STAU2: variants seen among roughly 807,000 people sequenced by gnomAD.
The protein encoded by STAU2 is staufen double-stranded RNA binding protein 2.
Under a neutral mutation model 65.9 loss-of-function variants are expected in STAU2, and 20 were observed. That is an observed-to-expected ratio of 0.30 (90% CI 0.21 to 0.44). STAU2 has a LOEUF of 0.44. Among genes scored for constraint, STAU2 ranks in the 20% least tolerant of loss-of-function variants. The probability of loss-of-function intolerance (pLI) is 1.00; values close to 1 mark genes in which losing one functional copy is unlikely to be tolerated. For missense variants in STAU2, 558 were observed against 683.9 expected, an observed-to-expected ratio of 0.82 and a Z score of 2.05; for synonymous variants, 232 against 233.9, an observed-to-expected ratio of 0.99 and a Z score of 0.07.
At chr8:73,518,766 G>A (rs1470418001) in intron 13 of STAU2, among the ~76,000 whole-genome samples, 1 of 151,922 alleles carries the variant, frequency 6.6e-6, no homozygotes, top group Non-Finnish European at 1.5e-5. Flanking sequence ...AGAAGCTCCT[G>A]GTGACTTTTC....
chr8:73,528,507 C>G (rs890851772), intron 13 of STAU2, among the ~76,000 whole-genome samples: 3 of 152,140 alleles, frequency 2.0e-5, no homozygotes, highest in African/African-American at 7.2e-5. Flanking sequence ...AAATTTCCAT[C>G]CTTCCATTTA....
At chr8:73,704,490 A>G (rs961695287) in intron 4 of STAU2, among the ~76,000 whole-genome samples, 1 of 152,010 alleles carries the variant, frequency 6.6e-6, no homozygotes, top group African/African-American at 2.4e-5. Context: ...GTAGTGCGCT[A>G]TTTTTTTAAA....
At chr8:73,439,141 A>G (rs762217322) in intron 13 of STAU2, 8 of 426,762 alleles carry the variant, frequency 1.9e-5, no homozygotes, top group Non-Finnish European at 3.3e-5. Context: ...TGGGGAGAAA[A>G]TCACTAAGTG....
intron 10 of STAU2, among the ~76,000 whole-genome samples, chr8:73,598,463 G>A (rs1340683506): frequency 3.9e-5 from 6 of 152,060 alleles, no homozygotes; most frequent in South Asian, 2.1e-4. Context: ...TCCTGACCTC[G>A]TGATCCGCCC....
In STAU2 at chr8:73,577,229, C is replaced by T. The variant is rs531525269; in HGVS notation, c.1222+5541G>A. 2.6e-5 allele frequency among the ~76,000 whole-genome samples: 4 copies of T among 152,100 alleles called. No homozygotes were observed. In the East Asian group the frequency reaches 5.8e-4, roughly 22 times the overall value. On this transcript the variant is annotated intron_variant, in intron 12 of 14. Coordinates refer to ENST00000524300, the MANE Select transcript of STAU2 (RefSeq NM_001164380.2). Reference sequence around the variant, plus strand: ...AGATCACAAGGTCAGGAGATCGAGACCATCCTGGCTAACACAATGAAACCC... The same window carrying T: ...AGATCACAAGGTCAGGAGATCGAGATCATCCTGGCTAACACAATGAAACCC...
At chr8:73,505,741 C>T (rs1822024365) in intron 13 of STAU2, among the ~76,000 whole-genome samples, 1 of 152,026 alleles carries the variant, frequency 6.6e-6, no homozygotes, top group Non-Finnish European at 1.5e-5. Flanking sequence ...CCATAAAGTT[C>T]TTCTGATACG....
chr8:73,518,126 C>A (rs2128927143), intron 13 of STAU2, among the ~76,000 whole-genome samples: 1 of 152,294 alleles, frequency 6.6e-6, no homozygotes, highest in Non-Finnish European at 1.5e-5. Flanking sequence ...GGCAAACTTT[C>A]TTTTAACACT....
At chr8:73,531,826 T>G (rs1215943296) in intron 13 of STAU2, among the ~76,000 whole-genome samples, 2 of 152,212 alleles carry the variant, frequency 1.3e-5, no homozygotes, top group African/African-American at 2.4e-5. Context: ...AAACTCTTTC[T>G]GCTAGAACAA....
chr8:73,505,403 G>C (rs1217161354), intron 13 of STAU2, among the ~76,000 whole-genome samples: 1 of 152,052 alleles, frequency 6.6e-6, no homozygotes, highest in Non-Finnish European at 1.5e-5. Context: ...TTTGAGGCAG[G>C]TCACAAAGTT....
chr8:73,627,605 G>A lies in STAU2; in HGVS notation c.411-10154C>T, dbSNP rs538256561. 2.0e-5 allele frequency among the ~76,000 whole-genome samples: 3 copies of A among 152,074 alleles called. No individual in the cohort carries two copies. The South Asian group carries it at 6.2e-4, about 32-fold the overall frequency. On this transcript the variant is annotated intron_variant, in intron 6 of 14. Coordinates refer to ENST00000524300, the MANE Select transcript of STAU2 (RefSeq NM_001164380.2). ...AATTAGGATTTTCCTATTATTTCCA[G>A]AATTTGTTTTTCCTATTTATTTCCA...
chr8:73,604,893 A>G (rs1488592923), intron 9 of STAU2, among the ~76,000 whole-genome samples: 1 of 152,144 alleles, frequency 6.6e-6, no homozygotes, highest in Admixed American at 6.5e-5. Context: ...TCCTACCCCA[A>G]TTAGCCTATT....
intron 13 of STAU2, among the ~76,000 whole-genome samples, chr8:73,525,468 A>G (rs780569676): frequency 1.3e-5 from 2 of 152,160 alleles, no homozygotes; most frequent in African/African-American, 2.4e-5. Context: ...CATATGGGTG[A>G]ACAGTAGCCC....
intron 12 of STAU2, among the ~76,000 whole-genome samples, chr8:73,562,408 C>T (rs1808298838): frequency 6.6e-6 from 1 of 152,176 alleles, no homozygotes; most frequent in African/African-American, 2.4e-5. Flanking sequence ...ATCCCTTGAG[C>T]AGAGGAGTTC....
At chr8:73,634,555 T>C (rs750018872) in intron 6 of STAU2, among the ~76,000 whole-genome samples, 2 of 152,132 alleles carry the variant, frequency 1.3e-5, no homozygotes, top group African/African-American at 2.4e-5. Context: ...AAAACCTACA[T>C]TGGTTTTGCA....
At position 73,421,441 on chromosome 8, in the gene STAU2, T is replaced by A. The variant is rs145759808; in HGVS notation, c.1644A>T (p.Lys548Asn). ...LEKQAKHLREKADNNQAPPGS... is the reference protein window; with the variant it reads ...LEKQAKHLRENADNNQAPPGS... ...CCGGGGGTGCCTGGTTATTGTCCGCTTTCTCTCTCAGATGCTTGGCTTGTC... is the reference window on the plus strand; with the variant it reads ...CCGGGGGTGCCTGGTTATTGTCCGCATTCTCTCTCAGATGCTTGGCTTGTC... Residue 548 changes from lysine to asparagine, a missense_variant, in exon 15 of 15, where the codon AAA becomes AAT. Coordinates refer to ENST00000524300, the MANE Select transcript of STAU2 (RefSeq NM_001164380.2). 6,554 of 1,537,284 alleles carry A rather than the reference T, an allele frequency of 4.3e-3. 15 individuals carry two copies. Among genetic ancestry groups the A allele is most frequent in the Non-Finnish European group, 5.1e-3 (5,838 of 1,146,910 alleles).
chr8:73,637,352 G>A (rs1288604479), intron 6 of STAU2, among the ~76,000 whole-genome samples: 1 of 150,844 alleles, frequency 6.6e-6, no homozygotes, highest in Non-Finnish European at 1.5e-5. Flanking sequence ...ACTGCTAAAA[G>A]CTAAAAAGAC....
intron 6 of STAU2, among the ~76,000 whole-genome samples, chr8:73,625,934 T>A (rs575086869): frequency 6.6e-6 from 1 of 152,268 alleles, no homozygotes; most frequent in Admixed American, 6.5e-5. Flanking sequence ...CCTACTCTTG[T>A]CTAATTGCTA....
chr8:73,510,212 C>A (rs575255353), intron 13 of STAU2, among the ~76,000 whole-genome samples: 5 of 152,172 alleles, frequency 3.3e-5, no homozygotes, highest in Admixed American at 6.5e-5. Context: ...GGATTACAGG[C>A]ATGTGCCACC....
chr8:73,648,973 T>C (rs1395418249), intron 6 of STAU2, among the ~76,000 whole-genome samples: 3 of 152,096 alleles, frequency 2.0e-5, no homozygotes, highest in Non-Finnish European at 4.4e-5. Flanking sequence ...GCCCAACTTA[T>C]TTTTTAATTT....
Sources: gnomAD v4.1 joint callset for allele counts (sites outside exome capture counted in the v4.1 genomes callset) on GRCh38, gnomAD v4.1.1 for gene constraint, MANE v1.5 for transcripts, NCBI Gene and HGNC (gene_info 2026-07-23, HGNC 2026-07-21) for gene names.